The following INPP4B variants were observed in gnomAD, a reference collection of about 807,000 sequenced individuals.
The protein encoded by INPP4B is inositol polyphosphate 4-phosphatase type II.
Under a neutral mutation model 122.5 loss-of-function variants are expected in INPP4B, and 55 were observed. The observed-to-expected ratio is 0.45, with a 90% confidence interval of 0.36 to 0.56. INPP4B has a LOEUF of 0.56. Among genes scored for constraint, INPP4B ranks in the 20% least tolerant of loss-of-function variants. The pLI, the probability that INPP4B is intolerant of heterozygous loss-of-function variation, is 0.00. For synonymous variants in INPP4B, 403 were observed against 388.7 expected (o/e 1.04, Z -0.43); for missense variants, 1,000 against 1,097.7 (o/e 0.91, Z 1.26).
At chr4:142,769,393 A>G (rs1772671516) in intron 1 of INPP4B, among the ~76,000 whole-genome samples, 1 of 152,142 alleles carries the variant, frequency 6.6e-6, no homozygotes, top group Non-Finnish European at 1.5e-5. Context: ...CCCAAGTGAA[A>G]CCAGACCTTA....
intron 1 of INPP4B, among the ~76,000 whole-genome samples, chr4:142,799,268 G>A (rs765450760): frequency 3.0e-4 from 45 of 151,488 alleles, no homozygotes; most frequent in Non-Finnish European, 4.4e-4. Context: ...AAAACTCATC[G>A]GTCTCAATAT....
At chr4:142,523,368 A>C (rs1252372403) in intron 2 of INPP4B, among the ~76,000 whole-genome samples, 1 of 152,136 alleles carries the variant, frequency 6.6e-6, no homozygotes, top group Non-Finnish European at 1.5e-5. Context: ...GGTGAACATG[A>C]TGTAAGAGGA....
chr4:142,728,298 G>A (rs1765592561), intron 1 of INPP4B, among the ~76,000 whole-genome samples: 1 of 152,124 alleles, frequency 6.6e-6, no homozygotes, highest in Admixed American at 6.5e-5. Flanking sequence ...CAGCATATAT[G>A]TCTTCTAAAT....
At chr4:142,317,931 A>T (rs868711874) in intron 7 of INPP4B, among the ~76,000 whole-genome samples, 5 of 152,326 alleles carry the variant, frequency 3.3e-5, no homozygotes, top group Middle Eastern at 3.4e-3. Flanking sequence ...GCTGTCTCCC[A>T]TGTTATAGAA....
chr4:142,126,803 A>G (rs181567023), intron 18 of INPP4B, among the ~76,000 whole-genome samples: 31 of 152,272 alleles, frequency 2.0e-4, no homozygotes, highest in Admixed American at 1.0e-3. Context: ...AATAAGAGAT[A>G]CATCAATAGA....
intron 2 of INPP4B, among the ~76,000 whole-genome samples, chr4:142,485,284 C>G (rs547463208): frequency 1.3e-5 from 2 of 152,108 alleles, no homozygotes; most frequent in East Asian, 1.9e-4. Flanking sequence ...TGAAAATTTT[C>G]TCATAAAAAA....
intron 25 of INPP4B, among the ~76,000 whole-genome samples, chr4:142,058,328 A>G (rs1758774217): frequency 1.3e-5 from 2 of 152,164 alleles, no homozygotes; most frequent in South Asian, 4.1e-4. Context: ...GAAATTGAGG[A>G]CTAATTCTGG....
At chr4:142,347,003 A>C (rs151131136) in intron 7 of INPP4B, among the ~76,000 whole-genome samples, 5 of 152,148 alleles carry the variant, frequency 3.3e-5, no homozygotes, top group African/African-American at 1.2e-4. Flanking sequence ...TTTTGCTTTG[A>C]GTAGATATAG....
chr4:142,128,306 G>C (rs933618510), intron 18 of INPP4B, among the ~76,000 whole-genome samples: 2 of 150,660 alleles, frequency 1.3e-5, no homozygotes, highest in African/African-American at 4.9e-5. Context: ...AAACTCAGAA[G>C]AGTGGATGTG....
At position 142,801,834 on chromosome 4, in the gene INPP4B, T is replaced by C. The variant is rs997679160; in HGVS notation, c.-254+44375A>G. 2.6e-5 allele frequency among the ~76,000 whole-genome samples: 4 copies of C among 152,298 alleles called. No homozygotes were observed. In the East Asian group the frequency reaches 5.8e-4, roughly 22 times the overall value. On this transcript the variant is annotated intron_variant, in intron 1 of 25. Transcript: ENST00000262992. ...ATCCAAGAGAAGGAGCAGGATAGAC[T>C]AAAATAATAACAAATTCTGTTGTGG...
At chr4:142,082,371 A>G (rs772683457) in intron 24 of INPP4B, among the ~76,000 whole-genome samples, 186 bp from the exon 25 acceptor site, 6 of 152,204 alleles carry the variant, frequency 3.9e-5, no homozygotes, top group Non-Finnish European at 5.9e-5. Flanking sequence ...TCAAAAGCCA[A>G]CACAATGGAC....
chr4:142,251,559 C>T (rs1385055354), intron 11 of INPP4B, among the ~76,000 whole-genome samples: 1 of 152,076 alleles, frequency 6.6e-6, no homozygotes, highest in Non-Finnish European at 1.5e-5. Flanking sequence ...CTTCAAAACG[C>T]TATTTAGTAC....
At position 142,346,451 on chromosome 4, in the gene INPP4B, G is replaced by A. The variant is rs529395729; in HGVS notation, c.373-31689C>T. 4.6e-5 allele frequency among the ~76,000 whole-genome samples: 7 copies of A among 151,902 alleles called. No individual in the cohort carries two copies. The South Asian group carries it at 1.5e-3, about 31-fold the overall frequency. On this transcript the variant is annotated intron_variant, in intron 7 of 25. Coordinates refer to ENST00000262992, the MANE Select transcript of INPP4B (RefSeq NM_001101669.3). Reference sequence around the variant, plus strand: ...ACAAGAAATAAGAGAAATGAAATTAGACTAGAAAAAGTGACATATTGATAA... The same window carrying A: ...ACAAGAAATAAGAGAAATGAAATTAAACTAGAAAAAGTGACATATTGATAA...
intron 12 of INPP4B, among the ~76,000 whole-genome samples, chr4:142,210,254 A>G (rs973721175): frequency 1.3e-5 from 2 of 152,172 alleles, no homozygotes; most frequent in African/African-American, 4.8e-5. Context: ...GGTGTGCAAA[A>G]ATGTGACTTG....
At chr4:142,359,837 T>A (rs1784825222) in intron 7 of INPP4B, among the ~76,000 whole-genome samples, 1 of 151,968 alleles carries the variant, frequency 6.6e-6, no homozygotes, top group Non-Finnish European at 1.5e-5. Context: ...ATAACCTTTT[T>A]GGGCAGGAAA....
intron 7 of INPP4B, among the ~76,000 whole-genome samples, chr4:142,333,538 T>C (rs1303913246): frequency 6.6e-6 from 1 of 152,242 alleles, no homozygotes; most frequent in East Asian, 1.9e-4. Context: ...TATGATGTTA[T>C]AGCAAAATAG....
At chr4:142,032,238 C>T (rs778701591) in intron 25 of INPP4B, among the ~76,000 whole-genome samples, 1 of 151,528 alleles carries the variant, frequency 6.6e-6, no homozygotes, top group African/African-American at 2.4e-5. Flanking sequence ...GTGTTTTCTG[C>T]CTGGCTGGGT....
At chr4:142,794,566 G>A (rs916870729) in intron 1 of INPP4B, among the ~76,000 whole-genome samples, 3 of 151,798 alleles carry the variant, frequency 2.0e-5, no homozygotes, top group Middle Eastern at 3.2e-3. Context: ...ATGCTCTAGG[G>A]TAAAGAATGA....
At chr4:142,110,553 A>G (rs1033909580) in intron 22 of INPP4B, among the ~76,000 whole-genome samples, 2 of 152,188 alleles carry the variant, frequency 1.3e-5, no homozygotes, top group Non-Finnish European at 2.9e-5. Context: ...ATTCAGAATC[A>G]GAAAAAGGAG....
Sources: gnomAD v4.1 joint callset for allele counts (sites outside exome capture counted in the v4.1 genomes callset) on GRCh38, gnomAD v4.1.1 for gene constraint, MANE v1.5 for transcripts, NCBI Gene and HGNC (gene_info 2026-07-23, HGNC 2026-07-21) for gene names.